GABPB2: variants seen among roughly 807,000 people sequenced by gnomAD.
GABPB2 encodes the protein GA-binding protein subunit beta-2.
In GABPB2, 23 loss-of-function variants were observed where a neutral mutation model predicts 39.1. The ratio of observed to expected loss-of-function variants is 0.59; its 90% CI spans 0.42 to 0.83. The LOEUF is 0.83. Among genes scored for constraint, GABPB2 ranks in the 40% least tolerant of loss-of-function variants. The pLI, the probability that GABPB2 is intolerant of heterozygous loss-of-function variation, is 0.00. For missense variants in GABPB2, 467 were observed against 541.1 expected, an observed-to-expected ratio of 0.86 and a Z score of 1.36; for synonymous variants, 184 against 199.3, an observed-to-expected ratio of 0.92 and a Z score of 0.65.
At chr1:151,083,368 A>G (rs1418543297) in intron 1 of GABPB2, among the ~76,000 whole-genome samples, 6 of 152,234 alleles carry the variant, frequency 3.9e-5, no homozygotes, top group African/African-American at 1.4e-4. Context: ...GCGGTGGCTC[A>G]CGCCTGTAAT....
In GABPB2 at chr1:151,118,073, G is replaced by A. The variant is rs2101579180; in HGVS notation, c.1164G>A (p.Lys388=). 6.2e-7 allele frequency: 1 copy of A among 1,614,196 alleles called. No individual in the cohort carries two copies. The highest frequency in any genetic ancestry group is 1.6e-4 in the Middle Eastern group (1 of 6,062). The change falls in exon 9 of 9, where the codon AAG becomes AAA. Residue 388 remains lysine, a synonymous_variant. Transcript: ENST00000368918. ...AGGAAGCAGAACAGTACCGTCTTAA[G>A]CTGGAGGCCATAGCCCGACAGCAGC... is the stretch of plus-strand genomic sequence containing the variant. ...KEQEAEQYRL[K]LEAIARQQPN...
intron 5 of GABPB2, among the ~76,000 whole-genome samples, chr1:151,099,552 C>G (rs1679363658): frequency 6.6e-6 from 1 of 152,094 alleles, no homozygotes; most frequent in Non-Finnish European, 1.5e-5. Flanking sequence ...AACTTGTGTC[C>G]TCATTTAAAT....
At chr1:151,071,469 T>TTTTTTTTC (rs1553259144) in intron 1 of GABPB2, among the ~76,000 whole-genome samples, 3 of 147,012 alleles carry the variant, frequency 2.0e-5, no homozygotes, top group South Asian at 2.2e-4. Flanking sequence ...TTTTTTTTTT[T>TTTTTTTTC]CAAAACTGAG....
intron 7 of GABPB2, among the ~76,000 whole-genome samples, chr1:151,111,410 A>G (rs1378807923): frequency 1.4e-5 from 2 of 139,666 alleles, no homozygotes; most frequent in Non-Finnish European, 1.5e-5. Context: ...GCCCCCCACT[A>G]ATTTTTTTTT....
chr1:151,079,402 C>A (rs1677457865), intron 1 of GABPB2, among the ~76,000 whole-genome samples: 1 of 151,780 alleles, frequency 6.6e-6, no homozygotes, highest in African/African-American at 2.4e-5. Context: ...ATTAGCCAGG[C>A]GTGGTAGTAG....
At chr1:151,111,181 CT>C (rs1327076768) in intron 7 of GABPB2, among the ~76,000 whole-genome samples, 13 of 152,096 alleles carry the variant, frequency 8.5e-5, no homozygotes, top group Non-Finnish European at 1.6e-4. Context: ...ACGATCATGA[CT>C]TACGGCAGTC....
chr1:151,093,617 T>TA (rs1029777610), intron 4 of GABPB2, among the ~76,000 whole-genome samples: 2 of 148,956 alleles, frequency 1.3e-5, no homozygotes, highest in African/African-American at 4.9e-5. Context: ...TTTATATATA[T>TA]TTTTTAATAT....
Position 151,107,179 on chromosome 1 carries a change from C to T in GABPB2, c.879C>T (p.Gly293=). 6.2e-7 allele frequency: 1 copy of T among 1,604,226 alleles called. No homozygotes were observed. Among genetic ancestry groups the T allele is most frequent in the Non-Finnish European group, 8.5e-7 (1 of 1,176,590 alleles). Residue 293 remains glycine (G), a synonymous_variant, in exon 7 of 9, where the codon GGC becomes GGT. Coordinates refer to ENST00000368918, the MANE Select transcript of GABPB2 (RefSeq NM_144618.3). ...TCCAAACTTCAATCCCTACTGGAGGCATTGGCCAGCCATTTATTGTAACTG... is the reference window on the plus strand; with the variant it reads ...TCCAAACTTCAATCCCTACTGGAGGTATTGGCCAGCCATTTATTGTAACTG... ...GNIQTSIPTG[G]IGQPFIVTVQ...
At chr1:151,106,985 C>A in intron 6 of GABPB2, 52 bp from the exon 7 acceptor site, 1 of 1,324,518 alleles carries the variant, frequency 7.5e-7, no homozygotes, top group Non-Finnish European at 1.0e-6. Context: ...AATTGCTATA[C>A]TCCTATGTTT....
At chr1:151,072,178 CTAAT>C (rs1317783558) in intron 1 of GABPB2, among the ~76,000 whole-genome samples, 1 of 152,216 alleles carries the variant, frequency 6.6e-6, no homozygotes, top group African/African-American at 2.4e-5. Flanking sequence ...AGTAATTACT[CTAAT>C]TATCTTGGAT....
intron 7 of GABPB2, chr1:151,112,344 TTTG>T (rs1680515314): frequency 6.6e-6 from 1 of 152,062 alleles, no homozygotes; most frequent in Non-Finnish European, 1.5e-5. Flanking sequence ...TGTTGTTGTT[TTTG>T]TTTTTGTTTT....
chr1:151,081,611 A>G (rs1394621384), intron 1 of GABPB2, among the ~76,000 whole-genome samples: 3 of 152,096 alleles, frequency 2.0e-5, no homozygotes, highest in African/African-American at 7.2e-5. Context: ...CTGGCTTAAT[A>G]GAAGACAGCT....
chr1:151,089,422 A>G (rs587740132), intron 2 of GABPB2, among the ~76,000 whole-genome samples: 2 of 152,206 alleles, frequency 1.3e-5, no homozygotes, highest in African/African-American at 2.4e-5. Flanking sequence ...GCTCTGGCCA[A>G]AGTGGATGCT....
chr1:151,105,451 A>T (rs939093136), intron 6 of GABPB2, among the ~76,000 whole-genome samples: 1 of 148,552 alleles, frequency 6.7e-6, no homozygotes, highest in South Asian at 2.1e-4. Flanking sequence ...ATATATACAA[A>T]TGTATATATA....
chr1:151,084,293 C>A (rs1350539390), intron 1 of GABPB2, among the ~76,000 whole-genome samples: 2 of 151,338 alleles, frequency 1.3e-5, no homozygotes, highest in Non-Finnish European at 2.9e-5. Flanking sequence ...GGCGGGATCT[C>A]GGCTCACCGC....
intron 3 of GABPB2, 61 bp from the exon 4 acceptor site, chr1:151,093,131 G>T (rs587619339): frequency 8.7e-6 from 11 of 1,266,622 alleles, no homozygotes; most frequent in Non-Finnish European, 1.1e-5. Context: ...TTTGATGATG[G>T]GATGTTGCAC....
intron 7 of GABPB2, among the ~76,000 whole-genome samples, chr1:151,110,759 C>T (rs1223602371): frequency 1.3e-5 from 2 of 152,100 alleles, no homozygotes; most frequent in Admixed American, 1.3e-4. Flanking sequence ...CTGTGCTCAG[C>T]CTATACTACT....
chr1:151,096,278 T>C (rs1679089661), intron 4 of GABPB2, among the ~76,000 whole-genome samples: 1 of 151,846 alleles, frequency 6.6e-6, no homozygotes, highest in African/African-American at 2.4e-5. Context: ...CAAAAGAAAT[T>C]AGCCGGGCAT....
At chr1:151,092,413 A>T (rs1165939576) in intron 3 of GABPB2, among the ~76,000 whole-genome samples, 1 of 147,888 alleles carries the variant, frequency 6.8e-6, no homozygotes, top group Non-Finnish European at 1.5e-5. Flanking sequence ...CCATTTTTTT[A>T]AAATCATATT....
Sources: allele counts gnomAD v4.1 joint callset (sites outside exome capture counted in the v4.1 genomes callset), GRCh38; gene constraint gnomAD v4.1.1; transcripts MANE v1.5; gene names NCBI Gene and HGNC (gene_info 2026-07-23, HGNC 2026-07-21).